The following MEI4 variants were observed in gnomAD, a reference collection of about 807,000 sequenced individuals.
MEI4 encodes meiosis-specific protein MEI4.
Under a neutral mutation model 31.4 loss-of-function variants are expected in MEI4, and 27 were observed. The ratio of observed to expected loss-of-function variants is 0.86; its 90% CI spans 0.63 to 1.19. The LOEUF (loss-of-function observed/expected upper bound fraction) is 1.19, where lower values mean the gene tolerates loss of function less well. MEI4 is among the 50% of genes most tolerant of loss of function. The pLI, the probability that MEI4 is intolerant of heterozygous loss-of-function variation, is 0.00. For missense variants in MEI4, 329 were observed against 398.9 expected (o/e 0.82, Z 1.49); for synonymous variants, 122 against 145.4 (o/e 0.84, Z 1.16).
chr6:77,816,365 G>A (rs569622882), intron 3 of MEI4, among the ~76,000 whole-genome samples: 5 of 152,156 alleles, frequency 3.3e-5, no homozygotes, highest in East Asian at 1.9e-4. Context: ...GATAGTACAC[G>A]GGCATAGTTC....
In MEI4 at chr6:77,738,168, G is replaced by A. The variant is rs73457480; in HGVS notation, c.233-22962G>A. Among the ~76,000 whole-genome samples, 653 of 152,276 alleles carry A rather than the reference G, an allele frequency of 4.3e-3. 7 individuals are homozygous for A. Among genetic ancestry groups the A allele is most frequent in the African/African-American group, 0.015 (608 of 41,560 alleles). On this transcript the variant is annotated intron_variant, in intron 2 of 4. Coordinates refer to ENST00000684080, the MANE Select transcript of MEI4 (RefSeq NM_001322247.2). ...CGGAGAGAAAGTGACAACCAGGGAA[G>A]TCCAGAATTTGAGCACCTAAAGGCA...
chr6:77,650,766 T>C (rs1768285908), upstream of MEI4, among the ~76,000 whole-genome samples: 2 of 152,192 alleles, frequency 1.3e-5, no homozygotes, highest in Admixed American at 1.3e-4. Context: ...GATTATAGAC[T>C]GTGTCTGCTG....
Position 77,732,425 on chromosome 6 carries a change from T to C in MEI4, c.233-28705T>C, listed in dbSNP as rs141190754. ...GGAGTTCACTCATGATTTGGCTCTA[T>C]GTTTGTCTGTTCTTGGTGTATAAGA... On this transcript the variant is annotated intron_variant, in intron 2 of 4. Transcript: ENST00000684080. Among the ~76,000 whole-genome samples the C allele has an allele frequency of 7.0e-3, 1,070 of 152,208 alleles. 25 individuals carry two copies. Among genetic ancestry groups the C allele is most frequent in the African/African-American group, 0.024 (1,009 of 41,470 alleles).
At chr6:77,804,950 TCAG>T (rs1392370885) in intron 3 of MEI4, among the ~76,000 whole-genome samples, 4 of 152,226 alleles carry the variant, frequency 2.6e-5, no homozygotes, top group Admixed American at 6.5e-5. Context: ...TGGATTTTGT[TCAG>T]CAGGTTTTAT....
intron 1 of MEI4, among the ~76,000 whole-genome samples, chr6:77,653,365 A>G (rs1481707513): frequency 6.6e-6 from 1 of 152,224 alleles, no homozygotes; most frequent in Non-Finnish European, 1.5e-5. Context: ...CACAGTGAGC[A>G]CAGGGCCTGT....
intron 3 of MEI4, among the ~76,000 whole-genome samples, chr6:77,821,463 AG>A (rs1769822930): frequency 6.6e-6 from 1 of 152,134 alleles, no homozygotes; most frequent in Non-Finnish European, 1.5e-5. Flanking sequence ...GACCCAATGT[AG>A]ATATGGCTGG....
At chr6:77,786,381 A>G (rs1402332636) in intron 3 of MEI4, among the ~76,000 whole-genome samples, 1 of 152,152 alleles carries the variant, frequency 6.6e-6, no homozygotes, top group African/African-American at 2.4e-5. Context: ...TGAATAAATC[A>G]TTAATAATTT....
chr6:77,863,458 C>T (rs1001252891), intron 4 of MEI4, among the ~76,000 whole-genome samples: 4 of 151,658 alleles, frequency 2.6e-5, no homozygotes, highest in Admixed American at 6.6e-5. Flanking sequence ...GTAGCCAACT[C>T]GATCAACTGG....
intron 4 of MEI4, among the ~76,000 whole-genome samples, chr6:77,870,992 G>A (rs1417798449): frequency 1.3e-5 from 2 of 152,126 alleles, no homozygotes; most frequent in African/African-American, 4.8e-5. Context: ...ATGTAAAGAA[G>A]ACTTTTATAG....
At chr6:77,862,748 T>C (rs1371000641) in intron 4 of MEI4, among the ~76,000 whole-genome samples, 1 of 152,178 alleles carries the variant, frequency 6.6e-6, no homozygotes, top group Non-Finnish European at 1.5e-5. Flanking sequence ...AGCACGCAGC[T>C]GGGGATCTGA....
intron 1 of MEI4, among the ~76,000 whole-genome samples, chr6:77,668,282 A>T (rs536669077): frequency 2.7e-3 from 405 of 152,302 alleles, no homozygotes; most frequent in African/African-American, 9.5e-3. Flanking sequence ...GAAAGTGAAC[A>T]TTATACTCTT....
chr6:77,729,868 G>A (rs1766927428), intron 2 of MEI4, among the ~76,000 whole-genome samples: 1 of 152,172 alleles, frequency 6.6e-6, no homozygotes. Flanking sequence ...CAGTGCATCT[G>A]ATTTTCAATA....
At position 77,925,653 on chromosome 6, in the gene MEI4, A is replaced by AAGAT. The variant is rs1169324256; in HGVS notation, c.*2310_*2313dup. Reference sequence around the variant, plus strand: ...ATTGGGCAGCATTGAAACTGGATATAAGATAGGATAGGAAATAAAGAGAAC... The same window carrying AAGAT: ...ATTGGGCAGCATTGAAACTGGATATAAGATAGATAGGATAGGAAATAAAGAGAAC... On this transcript the variant is annotated 3_prime_UTR_variant, in exon 5 of 5. Transcript: ENST00000684080. 2 of 151,378 alleles carry AAGAT rather than the reference A, an allele frequency of 1.3e-5. No homozygotes were observed. Among genetic ancestry groups the AAGAT allele is most frequent in the East Asian group, 1.9e-4 (1 of 5,148 alleles). The allele number at this position is 151,378 out of a possible 1,614,324, so 9.4% of individuals were successfully genotyped here.
chr6:77,857,599 G>A (rs774442881), intron 4 of MEI4, among the ~76,000 whole-genome samples: 4 of 152,150 alleles, frequency 2.6e-5, no homozygotes, highest in Non-Finnish European at 4.4e-5. Flanking sequence ...AATTGTATCT[G>A]TCCATCTGGC....
At chr6:77,753,274 C>T (rs756457286) in intron 2 of MEI4, among the ~76,000 whole-genome samples, 1 of 152,142 alleles carries the variant, frequency 6.6e-6, no homozygotes, top group Non-Finnish European at 1.5e-5. Context: ...AACTAAAGAG[C>T]TTCTGCACAG....
chr6:77,773,311 GTGT>G (rs1056854321), intron 3 of MEI4, among the ~76,000 whole-genome samples: 1 of 151,934 alleles, frequency 6.6e-6, no homozygotes, highest in African/African-American at 2.4e-5. Flanking sequence ...CATCAAAATA[GTGT>G]TGTACTGACA....
chr6:77,893,946 T>A (rs1455839802), intron 4 of MEI4, among the ~76,000 whole-genome samples: 2 of 152,134 alleles, frequency 1.3e-5, no homozygotes, highest in Non-Finnish European at 2.9e-5. Context: ...ACAAACCTGC[T>A]CATGTACCCC....
intron 4 of MEI4, among the ~76,000 whole-genome samples, chr6:77,909,373 G>T (rs956568450): frequency 6.6e-6 from 1 of 151,908 alleles, no homozygotes; most frequent in African/African-American, 2.4e-5. Flanking sequence ...TGATAAAGGG[G>T]ATATCACCAC....
intron 4 of MEI4, among the ~76,000 whole-genome samples, chr6:77,861,945 A>T (rs1184927286): frequency 6.6e-6 from 1 of 152,094 alleles, no homozygotes; most frequent in Non-Finnish European, 1.5e-5. Context: ...TATCATGCAT[A>T]CTTCAAACAT....
Sources: gnomAD v4.1 joint callset for allele counts (sites outside exome capture counted in the v4.1 genomes callset) on GRCh38, gnomAD v4.1.1 for gene constraint, MANE v1.5 for transcripts, NCBI Gene and HGNC (gene_info 2026-07-23, HGNC 2026-07-21) for gene names.